The following PRDM4 variants were observed in gnomAD, a reference collection of about 807,000 sequenced individuals.
The protein encoded by PRDM4 is PR domain zinc finger protein 4.
PRDM4 carries 38 observed loss-of-function variants against 62.3 expected under a neutral mutation model. That is an observed-to-expected ratio of 0.61 (90% CI 0.47 to 0.80). The LOEUF (loss-of-function observed/expected upper bound fraction) is 0.80. Ranked by LOEUF, PRDM4 falls within the 30% of genes least tolerant of loss-of-function variation. The pLI, the probability that PRDM4 is intolerant of heterozygous loss-of-function variation, is 0.00. For synonymous variants in PRDM4, 339 were observed against 348.2 expected, an observed-to-expected ratio of 0.97 and a Z score of 0.30; for missense variants, 858 against 997.1, an observed-to-expected ratio of 0.86 and a Z score of 1.88.
intron 5 of PRDM4, among the ~76,000 whole-genome samples, chr12:107,747,580 C>T (rs1890749368): frequency 6.6e-6 from 1 of 152,096 alleles, no homozygotes; most frequent in African/African-American, 2.4e-5. Flanking sequence ...AGAGAGGATG[C>T]TCCCTTTATA....
intron 6 of PRDM4, among the ~76,000 whole-genome samples, chr12:107,745,940 TA>T (rs1566096134): frequency 6.6e-6 from 1 of 152,222 alleles, no homozygotes. Flanking sequence ...CATGTTTCTA[TA>T]AAAGAAACTA....
Position 107,746,402 on chromosome 12 carries a change from G to A in PRDM4, c.1149C>T (p.Ala383=). The A allele has an allele frequency of 6.2e-7, 1 of 1,610,190 alleles. No homozygotes were observed. ...CATGTTCGGGACAGTCCGAGGGATA[G>A]GCGCGGTCACACAGAGTACACCCTG... ...FTIWCTLCDR[A]YPSDCPEHGP... The change falls in exon 6 of 12, where the codon GCC becomes GCT. Residue 383 remains alanine (A), a synonymous_variant. Transcript: ENST00000228437.
chr12:107,735,029 G>A (rs540632818), intron 11 of PRDM4, among the ~76,000 whole-genome samples: 67 of 152,070 alleles, frequency 4.4e-4, no homozygotes, highest in African/African-American at 1.5e-3. Flanking sequence ...CCACCATGTT[G>A]CCCAGACTGG....
intron 8 of PRDM4, 139 bp downstream of exon 8, chr12:107,743,058 T>A (rs749147439): frequency 1.5e-6 from 1 of 683,780 alleles, no homozygotes; most frequent in Non-Finnish European, 2.5e-6. Context: ...TGAGCCACCA[T>A]GCCTGGCTGC....
chr12:107,748,184 A>G (rs1890776756), intron 5 of PRDM4, among the ~76,000 whole-genome samples: 1 of 152,140 alleles, frequency 6.6e-6, no homozygotes, highest in South Asian at 2.1e-4. Context: ...TGTCTCAAAA[A>G]AATAAAAAAA....
At chr12:107,736,952 T>C (rs1890352214) in intron 11 of PRDM4, 1 of 152,252 alleles carries the variant, frequency 6.6e-6, no homozygotes, top group Admixed American at 6.5e-5. Context: ...CATGGGGTAA[T>C]ACTGGGTTGA....
chr12:107,746,480 AC>A, intron 5 of PRDM4, 56 bp from the exon 6 acceptor site: 1 of 1,403,282 alleles, frequency 7.1e-7, no homozygotes, highest in Non-Finnish European at 9.6e-7. Context: ...AGGCTAAATT[AC>A]CACCACGGTT....
intron 5 of PRDM4, among the ~76,000 whole-genome samples, chr12:107,749,396 C>CTTTT (rs56295338): frequency 7.7e-6 from 1 of 130,136 alleles, no homozygotes; most frequent in Admixed American, 7.8e-5. Context: ...TTTCTGTTTG[C>CTTTT]TTTTTTTTTT....
Position 107,755,953 on chromosome 12 carries a change from G to A in PRDM4, c.145+879C>T, listed in dbSNP as rs576001026. 2.6e-5 allele frequency among the ~76,000 whole-genome samples: 4 copies of A among 152,328 alleles called. No homozygotes were observed. The East Asian group carries it at 7.7e-4, about 29-fold the overall frequency. ...TACAAAAAATTAGTTGAGCATGGTG[G>A]CGTGTGCCTGTAGTCTCAGCTACTC... On this transcript the variant is annotated intron_variant, in intron 3 of 11. Transcript: ENST00000228437.
At chr12:107,754,905 C>T (rs1332224737) in intron 3 of PRDM4, 3 of 152,118 alleles carry the variant, frequency 2.0e-5, no homozygotes, top group African/African-American at 7.2e-5. Flanking sequence ...TGTACATGTA[C>T]ACCTTCATAC....
chr12:107,734,194 C>G lies in PRDM4; in HGVS notation c.*16G>C. On this transcript the variant is annotated 3_prime_UTR_variant, in exon 12 of 12. Coordinates refer to ENST00000228437, the MANE Select transcript of PRDM4 (RefSeq NM_012406.4). The stretch of plus-strand genomic sequence containing the variant: ...CCATTTGCATTTTCATCCAAAATTG[C>G]TTGTTTCTTTTCCTTTTATTTATGT... 6.4e-7 allele frequency: 1 copy of G among 1,565,354 alleles called. No homozygotes were observed.
intron 10 of PRDM4, 162 bp from the exon 11 acceptor site, chr12:107,739,713 A>C (rs776456121): frequency 1.7e-4 from 97 of 571,250 alleles, no homozygotes; most frequent in Non-Finnish European, 2.7e-4. Context: ...ACCACTCAAG[A>C]GCTCCTGAGT....
chr12:107,752,506 G>A (rs1376122452), intron 4 of PRDM4, among the ~76,000 whole-genome samples: 8 of 142,328 alleles, frequency 5.6e-5, no homozygotes, highest in Non-Finnish European at 9.7e-5. Context: ...GTCCTAAGGT[G>A]TAAAATTTGC....
intron 5 of PRDM4, among the ~76,000 whole-genome samples, chr12:107,748,272 G>A (rs866592290): frequency 2.0e-4 from 31 of 152,268 alleles, no homozygotes; most frequent in Middle Eastern, 3.4e-3. Context: ...CTGCTAGGAC[G>A]GTAACATGGC....
At chr12:107,749,592 C>T (rs1369723209) in intron 5 of PRDM4, among the ~76,000 whole-genome samples, 5 of 152,018 alleles carry the variant, frequency 3.3e-5, no homozygotes, top group Admixed American at 2.6e-4. Context: ...GGGTTTTCTC[C>T]TTAATGCTTC....
chr12:107,747,268 A>G (rs549542676), intron 5 of PRDM4, among the ~76,000 whole-genome samples: 12 of 152,226 alleles, frequency 7.9e-5, no homozygotes, highest in African/African-American at 2.6e-4. Context: ...GTAAGAGGAA[A>G]CTGAGTTGAA....
At position 107,741,020 on chromosome 12, in the gene PRDM4, G is replaced by A; in HGVS notation, c.1850C>T (p.Pro617Leu). Residue 617 changes from proline (P) to leucine (L), a missense_variant, in exon 10 of 12, where the codon CCC becomes CTC. Transcript: ENST00000228437. ...VHFMGHMGMK[P>L]HKCDFCSKAF... ...CTTGCTACAGAAATCACACTTGTGG[G>A]GCTTCATACCCATGTGACCCATAAA... 1 of 1,614,162 alleles carries A rather than the reference G, an allele frequency of 6.2e-7. No homozygotes were observed. Among genetic ancestry groups the A allele is most frequent in the African/African-American group, 1.3e-5 (1 of 75,014 alleles).
In PRDM4 at chr12:107,747,675, C is replaced by T. The variant is rs117007749; in HGVS notation, c.1127-1251G>A. Among the ~76,000 whole-genome samples the T allele has an allele frequency of 2.1e-3, 320 of 152,318 alleles. 10 individuals carry two copies. In the East Asian group the frequency reaches 0.045, roughly 21 times the overall value. On this transcript the variant is annotated intron_variant, in intron 5 of 11. Transcript: ENST00000228437. Reference sequence around the variant, plus strand: ...TAAATCTTCTGCTCTATTCTTTACACTTTCCACTCTGCTAAGGAACAGTAT... The same window carrying T: ...TAAATCTTCTGCTCTATTCTTTACATTTTCCACTCTGCTAAGGAACAGTAT...
At chr12:107,750,956 T>C (rs546603156) in intron 5 of PRDM4, among the ~76,000 whole-genome samples, 1 of 152,278 alleles carries the variant, frequency 6.6e-6, no homozygotes, top group African/African-American at 2.4e-5. Flanking sequence ...TATTCACAGG[T>C]GTGATCGCAG....
Sources: gnomAD v4.1 joint callset for allele counts (sites outside exome capture counted in the v4.1 genomes callset) on GRCh38, gnomAD v4.1.1 for gene constraint, MANE v1.5 for transcripts, NCBI Gene and HGNC (gene_info 2026-07-23, HGNC 2026-07-21) for gene names.